Variants in CCDC171 observed in about 807,000 individuals in gnomAD.
The protein encoded by CCDC171 is coiled-coil domain containing 171, also known as coiled-coil domain-containing protein 171.
A neutral mutation model predicts 168.2 loss-of-function variants in CCDC171; 177 were observed. The ratio of observed to expected loss-of-function variants is 1.05; its 90% CI spans 0.93 to 1.19. The LOEUF (loss-of-function observed/expected upper bound fraction) is 1.19. CCDC171 is among the 50% of genes most tolerant of loss of function. The pLI is 0.00. For synonymous variants in CCDC171, 687 were observed against 540.8 expected (o/e 1.27, Z -3.75); for missense variants, 1,991 against 1,539.0 (o/e 1.29, Z -4.91).
rs984827469 is a variant in CCDC171 at position 15,967,186 on chromosome 9, C to T, written c.3754-4423C>T. On this transcript the variant is annotated intron_variant, in intron 25 of 25. Coordinates refer to ENST00000380701, the MANE Select transcript of CCDC171 (RefSeq NM_173550.4). ...AACTTTGTGACACTGAGTATTGAGA[C>T]TCTGGTAAGAGCACGTTAGGAACCA... Among the ~76,000 whole-genome samples the T allele has an allele frequency of 2.0e-5, 3 of 152,250 alleles. No individual in the cohort carries two copies. The South Asian group carries it at 6.2e-4, about 32-fold the overall frequency.
At chr9:15,919,296 C>G (rs985341301) in intron 24 of CCDC171, among the ~76,000 whole-genome samples, 6 of 151,754 alleles carry the variant, frequency 4.0e-5, no homozygotes, top group Middle Eastern at 3.4e-3. Context: ...TTGTTTCTTA[C>G]TCTGTCTTTG....
intron 25 of CCDC171, among the ~76,000 whole-genome samples, chr9:15,970,956 C>G (rs1831304777): frequency 1.3e-5 from 2 of 152,074 alleles, no homozygotes; most frequent in African/African-American, 4.8e-5. Flanking sequence ...TGACTTAAAT[C>G]AAGAATTACC....
intron 3 of CCDC171, among the ~76,000 whole-genome samples, chr9:15,991,950 CA>C (rs1363009731): frequency 6.6e-6 from 1 of 151,960 alleles, no homozygotes; most frequent in Non-Finnish European, 1.5e-5. Context: ...GCCTACCAAC[CA>C]AAAAAAGTCC....
chr9:15,568,153 C>G (rs1204376980), intron 2 of CCDC171, among the ~76,000 whole-genome samples: 2 of 151,332 alleles, frequency 1.3e-5, no homozygotes, highest in East Asian at 1.9e-4. Flanking sequence ...CTAGAATTTT[C>G]TTTCAGAATC....
intron 21 of CCDC171, among the ~76,000 whole-genome samples, chr9:15,833,849 A>G (rs1338572301): frequency 1.3e-5 from 2 of 152,186 alleles, no homozygotes; most frequent in African/African-American, 2.4e-5. Flanking sequence ...TGAGGAAACA[A>G]AGGTATAGAG....
chr9:15,712,001 C>G (rs190885984), intron 11 of CCDC171, among the ~76,000 whole-genome samples: 1 of 152,164 alleles, frequency 6.6e-6, no homozygotes, highest in Non-Finnish European at 1.5e-5. Context: ...TGGTTCTAGT[C>G]TGAGTTTGAA....
At chr9:15,583,141 G>A (rs2041265240) in intron 4 of CCDC171, among the ~76,000 whole-genome samples, 1 of 152,152 alleles carries the variant, frequency 6.6e-6, no homozygotes, top group South Asian at 2.1e-4. Flanking sequence ...TATAGGCTGG[G>A]CGCGGTGGCT....
At chr9:16,048,024 G>A (rs943692256) in intron 1 of CCDC171, among the ~76,000 whole-genome samples, 4 of 152,226 alleles carry the variant, frequency 2.6e-5, no homozygotes, top group Admixed American at 2.0e-4. Context: ...CACATTGCCT[G>A]CAGTGGCAAG....
chr9:15,902,753 C>A (rs1200454647), intron 24 of CCDC171, among the ~76,000 whole-genome samples: 3 of 152,206 alleles, frequency 2.0e-5, no homozygotes, highest in African/African-American at 4.8e-5. Context: ...ACCTGGGAAG[C>A]ACAAGGGGTC....
At chr9:15,962,318 G>T (rs11792979) in intron 25 of CCDC171, among the ~76,000 whole-genome samples, 1 of 152,058 alleles carries the variant, frequency 6.6e-6, no homozygotes, top group Non-Finnish European at 1.5e-5. Flanking sequence ...TTTTCACCGC[G>T]TAGCTATAGC....
chr9:15,616,221 G>C (rs193248174), intron 6 of CCDC171, among the ~76,000 whole-genome samples: 247 of 152,138 alleles, frequency 1.6e-3, no homozygotes, highest in African/African-American at 5.6e-3. Context: ...CAAAGTGCTG[G>C]GATTACAGGT....
At chr9:15,581,339 A>C (rs2041099908) in intron 4 of CCDC171, among the ~76,000 whole-genome samples, 1 of 152,210 alleles carries the variant, frequency 6.6e-6, no homozygotes, top group East Asian at 1.9e-4. Context: ...CAATATTGTG[A>C]AAATGGCCAT....
In CCDC171 at chr9:15,799,908, C is replaced by T. The variant is rs549363264; in HGVS notation, c.3267+15214C>T. On this transcript the variant is annotated intron_variant, in intron 21 of 25. Coordinates refer to ENST00000380701, the MANE Select transcript of CCDC171 (RefSeq NM_173550.4). ...TCTGTACCTGGCTTATTTCACTTAA[C>T]ATAATGACCTCCAGTTCCATCTATG... is the stretch of plus-strand genomic sequence containing the variant. 1.3e-3 allele frequency among the ~76,000 whole-genome samples: 205 copies of T among 152,136 alleles called. 5 individuals are homozygous for T. Among genetic ancestry groups the T allele is most frequent in the Non-Finnish European group, 1.7e-3 (119 of 68,004 alleles).
intron 21 of CCDC171, among the ~76,000 whole-genome samples, chr9:15,842,354 A>C (rs750883381): frequency 2.6e-5 from 4 of 152,062 alleles, no homozygotes; most frequent in Non-Finnish European, 4.4e-5. Context: ...GGCATCCAGA[A>C]ATATTAGTTG....
intron 25 of CCDC171, among the ~76,000 whole-genome samples, chr9:15,950,710 A>G (rs1210635969): frequency 6.6e-6 from 1 of 152,150 alleles, no homozygotes; most frequent in East Asian, 1.9e-4. Context: ...AAGACACTGC[A>G]TGAACTAATG....
chr9:15,761,511 G>T lies in CCDC171; in HGVS notation c.2671+15880G>T, dbSNP rs116604608. On this transcript the variant is annotated intron_variant, in intron 18 of 25. Transcript: ENST00000380701. ...CATCAACTGGGAATGTGATACAAAT[G>T]CATAATCTCAGACTCCACTCCAGAC... is the stretch of plus-strand genomic sequence containing the variant. Among the ~76,000 whole-genome samples the T allele has an allele frequency of 9.7e-3, 1,477 of 152,194 alleles. 26 individuals are homozygous for T. Among genetic ancestry groups the T allele is most frequent in the African/African-American group, 0.034 (1,412 of 41,562 alleles).
intron 23 of CCDC171, among the ~76,000 whole-genome samples, chr9:15,854,531 A>C (rs1395410345): frequency 6.6e-6 from 1 of 151,326 alleles, no homozygotes; most frequent in East Asian, 1.9e-4. Context: ...TAAGGGTCCA[A>C]CTTTTGGTTT....
At chr9:15,939,233 A>G (rs1036244510) in intron 25 of CCDC171, among the ~76,000 whole-genome samples, 2 of 151,618 alleles carry the variant, frequency 1.3e-5, no homozygotes, top group Admixed American at 6.6e-5. Flanking sequence ...GTATTATACT[A>G]TTTTGGCTAT....
At chr9:16,028,485 A>G (rs1833314148) in intron 6 of CCDC171, among the ~76,000 whole-genome samples, 1 of 152,184 alleles carries the variant, frequency 6.6e-6, no homozygotes, top group East Asian at 1.9e-4. Flanking sequence ...GATGAAATAT[A>G]AGACACCCAT....
Sources: gnomAD v4.1 joint callset for allele counts (sites outside exome capture counted in the v4.1 genomes callset) on GRCh38, gnomAD v4.1.1 for gene constraint, MANE v1.5 for transcripts, NCBI Gene and HGNC (gene_info 2026-07-23, HGNC 2026-07-21) for gene names.